FANCI: variants seen among roughly 807,000 people sequenced by gnomAD.
FANCI encodes the protein FA complementation group I.
FANCI carries 156 observed loss-of-function variants against 176.1 expected under a neutral mutation model. The ratio of observed to expected loss-of-function variants is 0.89; its 90% CI spans 0.78 to 1.01. FANCI has a LOEUF of 1.01. FANCI is among the 50% of genes least tolerant of loss of function. FANCI has a pLI of 0.00. For missense variants in FANCI, 1,678 were observed against 1,534.1 expected (o/e 1.09, Z -1.57); for synonymous variants, 613 against 541.7 (o/e 1.13, Z -1.83).
chr15:89,254,934 C>T (rs566192666), intron 2 of FANCI, among the ~76,000 whole-genome samples: 1 of 152,296 alleles, frequency 6.6e-6, no homozygotes, highest in East Asian at 1.9e-4. Flanking sequence ...ACAAGAAATA[C>T]CAATGGATGT....
At chr15:89,288,867 C>T (rs1196068236) in intron 18 of FANCI, among the ~76,000 whole-genome samples, 1 of 151,896 alleles carries the variant, frequency 6.6e-6, no homozygotes, top group Non-Finnish European at 1.5e-5. Context: ...CTCAAATGCC[C>T]TGGCTTCAAG....
intron 34 of FANCI, 152 bp downstream of exon 34, chr15:89,307,824 T>G: frequency 6.6e-7 from 1 of 1,523,068 alleles, no homozygotes; most frequent in Non-Finnish European, 8.8e-7. Context: ...AGCCAAGGCT[T>G]GAGGGCTTTG....
At chr15:89,266,791 A>C (rs909443244) in intron 9 of FANCI, among the ~76,000 whole-genome samples, 2 of 152,160 alleles carry the variant, frequency 1.3e-5, no homozygotes, top group African/African-American at 4.8e-5. Context: ...GGTCTTAGAT[A>C]CTAAATTAGA....
In FANCI at chr15:89,263,898, C is replaced by A; in HGVS notation, c.546-5C>A. On this transcript the variant is annotated splice_polypyrimidine_tract_variant and splice_region_variant and intron_variant, in intron 7 of 37. Transcript: ENST00000310775. ...TCTATAGCCTTTAGAATCTTTGATC[C>A]ACAGGGATGTCCCTCTGACTGCAGA... is the stretch of plus-strand genomic sequence containing the variant. The A allele has an allele frequency of 6.2e-7, 1 of 1,614,006 alleles. No individual in the cohort carries two copies. The highest frequency in any genetic ancestry group is 8.5e-7 in the Non-Finnish European group (1 of 1,179,922).
At position 89,300,321 on chromosome 15, in the gene FANCI, AAG is replaced by A. The variant is rs1479409508; in HGVS notation, c.2833_2834del (p.Glu945ArgfsTer26). ...CTAGATGTCACAGATAAGGAAGGAGAAGAGAGAGAAGATGCAGATGTCAGTGT... is the reference window on the plus strand; with the variant it reads ...CTAGATGTCACAGATAAGGAAGGAGAAGAGAGAAGATGCAGATGTCAGTGT... On this transcript the variant is annotated frameshift_variant, in exon 26 of 38. Coordinates refer to ENST00000310775, the MANE Select transcript of FANCI (RefSeq NM_001113378.2). LOFTEE classifies it high-confidence loss of function. The A allele has an allele frequency of 1.2e-6, 2 of 1,613,896 alleles. No individual in the cohort carries two copies. Among genetic ancestry groups the A allele is most frequent in the Non-Finnish European group, 8.5e-7 (1 of 1,179,826 alleles).
intron 19 of FANCI, 126 bp downstream of exon 19, chr15:89,290,407 C>T: frequency 3.9e-6 from 3 of 766,834 alleles, no homozygotes; most frequent in African/African-American, 1.7e-5. Context: ...TGTGAACATG[C>T]TGTGGGTATG....
intron 19 of FANCI, chr15:89,290,512 A>G: frequency 1.9e-6 from 1 of 524,844 alleles, no homozygotes; most frequent in East Asian, 3.3e-5. Context: ...AACAGTCTGT[A>G]TCCTAAGTCA....
chr15:89,315,718 C>G (rs1321012583), intron 37 of FANCI, among the ~76,000 whole-genome samples: 1 of 152,198 alleles, frequency 6.6e-6, no homozygotes, highest in Non-Finnish European at 1.5e-5. Context: ...TAGTTTACCT[C>G]TCATGTCATG....
intron 9 of FANCI, among the ~76,000 whole-genome samples, chr15:89,267,125 A>G (rs908888770): frequency 6.6e-6 from 1 of 152,084 alleles, no homozygotes; most frequent in East Asian, 1.9e-4. Flanking sequence ...GTTCAAGACC[A>G]GCCTGGATGA....
chr15:89,291,468 T>C, intron 19 of FANCI, 145 bp from the exon 20 acceptor site: 1 of 687,664 alleles, frequency 1.5e-6, no homozygotes, highest in Non-Finnish European at 2.6e-6. Context: ...GCCAAAGAAA[T>C]AAAAACTTGG....
intron 34 of FANCI, among the ~76,000 whole-genome samples, chr15:89,308,501 A>G (rs973251548): frequency 2.0e-5 from 3 of 152,240 alleles, no homozygotes; most frequent in Admixed American, 6.5e-5. Flanking sequence ...CCAAGATTCT[A>G]GAACCAATTA....
In FANCI at chr15:89,285,111, C is replaced by G; in HGVS notation, c.1714C>G (p.His572Asp). ...LSVSQVHVDVHSHYNSVANET... is the reference protein window; with the variant it reads ...LSVSQVHVDVDSHYNSVANET... ...TTCCTTTCAGGTTCATGTGGATGTTCACAGCCATTACAATTCTGTCGCCAA... is the reference window on the plus strand; with the variant it reads ...TTCCTTTCAGGTTCATGTGGATGTTGACAGCCATTACAATTCTGTCGCCAA... Residue 572 changes from histidine to aspartate, a missense_variant, in exon 18 of 38, where the codon CAC becomes GAC. His to Asp is a moderately conservative substitution (Grantham distance 81). Transcript: ENST00000310775. 6.2e-7 allele frequency: 1 copy of G among 1,614,080 alleles called. No individual in the cohort carries two copies. Among genetic ancestry groups the G allele is most frequent in the Non-Finnish European group, 8.5e-7 (1 of 1,180,000 alleles).
intron 18 of FANCI, 138 bp downstream of exon 18, chr15:89,285,356 G>A: frequency 8.0e-7 from 1 of 1,254,398 alleles, no homozygotes; most frequent in Non-Finnish European, 1.1e-6. Context: ...GTGATGTTTA[G>A]TCAAAAAGTT....
rs1279398186 is a variant in FANCI, at chr15:89,274,302, T to C, written c.1110T>C (p.Asn370=). 6.2e-7 allele frequency: 1 copy of C among 1,613,576 alleles called. No homozygotes were observed. The highest frequency in any genetic ancestry group is 8.5e-7 in the Non-Finnish European group (1 of 1,179,800). The change falls in exon 12 of 38, where the codon AAT becomes AAC. Residue 370 remains asparagine, a splice_region_variant and synonymous_variant. Coordinates refer to ENST00000310775, the MANE Select transcript of FANCI (RefSeq NM_001113378.2). ...CCATGATCTTGGAAGTAGTGAAGAA[T>C]AGGTAAGTTGGTGAACCATATCTCA... is the stretch of plus-strand genomic sequence containing the variant. ...VSTMILEVVK[N]SVHSWDHVTQ...
At chr15:89,285,057 T>C in intron 17 of FANCI, 39 bp from the exon 18 acceptor site, 1 of 1,613,332 alleles carries the variant, frequency 6.2e-7, no homozygotes, top group Non-Finnish European at 8.5e-7. Context: ...GGAAACAGCT[T>C]TGGTAAGATA....
intron 2 of FANCI, among the ~76,000 whole-genome samples, chr15:89,254,831 AATGAATACATGGGT>A (rs1170174475): frequency 6.6e-6 from 1 of 152,158 alleles, no homozygotes; most frequent in Non-Finnish European, 1.5e-5. Context: ...AAAGTAAGTA[AATGAATACATGGGT>A]AGAAAGGAGT....
At chr15:89,282,262 A>G in intron 16 of FANCI, 1 of 203,772 alleles carries the variant, frequency 4.9e-6, no homozygotes, top group Non-Finnish European at 1.0e-5. Flanking sequence ...GCAGTTCCAA[A>G]GGGGAAAGTA....
Position 89,278,674 on chromosome 15 carries a change from C to T in FANCI, c.1294-13C>T, listed in dbSNP as rs747243337. On this transcript the variant is annotated splice_polypyrimidine_tract_variant and intron_variant, in intron 13 of 37. Coordinates refer to ENST00000310775, the MANE Select transcript of FANCI (RefSeq NM_001113378.2). The stretch of plus-strand genomic sequence containing the variant: ...GTCACCCAGGAATATTTTATTTATT[C>T]TGTTCTTTTTAGATCCATGAGATGA... The T allele has an allele frequency of 1.2e-6, 2 of 1,604,216 alleles. No homozygotes were observed. Among genetic ancestry groups the T allele is most frequent in the Non-Finnish European group, 1.7e-6 (2 of 1,171,284 alleles).
At chr15:89,250,316 T>C (rs138206825) in intron 2 of FANCI, among the ~76,000 whole-genome samples, 1 of 150,804 alleles carries the variant, frequency 6.6e-6, no homozygotes, top group Non-Finnish European at 1.5e-5. Flanking sequence ...AATGATAGAC[T>C]GGATTAAGAA....
Sources: gnomAD v4.1 joint callset for allele counts (sites outside exome capture counted in the v4.1 genomes callset) on GRCh38, gnomAD v4.1.1 for gene constraint, MANE v1.5 for transcripts, NCBI Gene and HGNC (gene_info 2026-07-23, HGNC 2026-07-21) for gene names.